PRLR: variants seen among roughly 807,000 people sequenced by gnomAD.
PRLR encodes the protein hPRL receptor.
In PRLR, 13 loss-of-function variants were observed where a neutral mutation model predicts 40.2. The observed-to-expected ratio is 0.32, with a 90% confidence interval of 0.21 to 0.51. PRLR has a LOEUF of 0.51. PRLR is among the 20% of genes least tolerant of loss of function. The probability of loss-of-function intolerance (pLI) is 0.97; values close to 1 mark genes in which losing one functional copy is unlikely to be tolerated. For missense variants in PRLR, 656 were observed against 747.3 expected, an observed-to-expected ratio of 0.88 and a Z score of 1.42; for synonymous variants, 269 against 278.7, an observed-to-expected ratio of 0.97 and a Z score of 0.35.
chr5:35,108,296 C>T (rs1405785249), intron 2 of PRLR, among the ~76,000 whole-genome samples: 3 of 152,134 alleles, frequency 2.0e-5, no homozygotes, highest in African/African-American at 7.2e-5. Context: ...TGGAAGCATT[C>T]CCTTTGAAAA....
intron 1 of PRLR, among the ~76,000 whole-genome samples, chr5:35,161,754 C>T (rs765409774): frequency 5.7e-4 from 86 of 152,136 alleles, no homozygotes; most frequent in Non-Finnish European, 6.6e-4. Flanking sequence ...ATAAATGCCC[C>T]GACTGTCTTT....
intron 1 of PRLR, among the ~76,000 whole-genome samples, chr5:35,135,696 T>G (rs1481521820): frequency 6.6e-6 from 1 of 152,220 alleles, no homozygotes; most frequent in Non-Finnish European, 1.5e-5. Context: ...AGCCAGAACC[T>G]AACCCTAGGG....
intron 2 of PRLR, among the ~76,000 whole-genome samples, chr5:35,102,483 C>CTCCTCTCCACT: frequency 6.7e-6 from 1 of 148,812 alleles, no homozygotes; most frequent in South Asian, 2.2e-4. Context: ...CCCGTCCCGT[C>CTCCTCTCCACT]CCGTCTCCTC....
intron 1 of PRLR, among the ~76,000 whole-genome samples, chr5:35,119,338 G>T (rs1419619607): frequency 6.6e-6 from 1 of 151,758 alleles, no homozygotes. Flanking sequence ...GGAAGCTGTG[G>T]TTGGCCACTA....
intron 2 of PRLR, among the ~76,000 whole-genome samples, chr5:35,106,426 G>A (rs564947024): frequency 5.9e-5 from 9 of 152,046 alleles, no homozygotes; most frequent in African/African-American, 1.2e-4. Context: ...AAAGACACAG[G>A]CTGGCAAATT....
In PRLR at chr5:35,110,611, T is replaced by A. The variant is rs1362667922; in HGVS notation, c.-44+7450A>T. On this transcript the variant is annotated intron_variant, in intron 2 of 9. Transcript: ENST00000618457. Reference sequence around the variant, plus strand: ...CCTGCAATCAGCATCAGCTTGCATATCTCACTCACCAAGAGCAGGCTCATT... The same window carrying A: ...CCTGCAATCAGCATCAGCTTGCATAACTCACTCACCAAGAGCAGGCTCATT... 3.3e-5 allele frequency among the ~76,000 whole-genome samples: 5 copies of A among 152,162 alleles called. No homozygotes were observed. The East Asian group carries it at 9.6e-4, about 29-fold the overall frequency.
chr5:35,215,918 G>C (rs942345065), intron 1 of PRLR, among the ~76,000 whole-genome samples: 1 of 148,784 alleles, frequency 6.7e-6, no homozygotes, highest in African/African-American at 2.5e-5. Context: ...ACGCACATCT[G>C]TTCCAGCTAC....
At chr5:35,174,880 CCTT>C (rs1775101011) in intron 1 of PRLR, among the ~76,000 whole-genome samples, 1 of 152,166 alleles carries the variant, frequency 6.6e-6, no homozygotes, top group South Asian at 2.1e-4. Context: ...TGGACCAACT[CCTT>C]CTGGCTCACA....
intron 1 of PRLR, among the ~76,000 whole-genome samples, chr5:35,147,486 A>G (rs1461338460): frequency 2.0e-5 from 3 of 152,192 alleles, no homozygotes; most frequent in African/African-American, 7.2e-5. Flanking sequence ...GGAGTTGATA[A>G]TCAGACAATT....
intron 1 of PRLR, among the ~76,000 whole-genome samples, chr5:35,214,817 T>C (rs1416706255): frequency 3.9e-5 from 6 of 152,216 alleles, no homozygotes; most frequent in African/African-American, 1.4e-4. Flanking sequence ...TCAGAACTAA[T>C]GACCATCTCT....
rs758900578 is a variant in PRLR, at chr5:35,068,229, G to C, written c.842C>G (p.Ala281Gly). ...VPGPKIKGFD[A>G]HLLEKGKSEE... is the part of the protein sequence containing the mutation. ...TCCTGTACTTACCTCCAACAGATGAGCATCAAATCCTTTTATTTTTGGCCC... is the reference window on the plus strand; with the variant it reads ...TCCTGTACTTACCTCCAACAGATGACCATCAAATCCTTTTATTTTTGGCCC... Residue 281 changes from alanine to glycine, a missense_variant, in exon 9 of 10, where the codon GCT (alanine) becomes GGT (glycine). Physicochemically the swap from Ala to Gly is moderately conservative, Grantham distance 60. Coordinates refer to ENST00000618457, the MANE Select transcript of PRLR (RefSeq NM_000949.7). 2 of 1,612,476 alleles carry C rather than the reference G, an allele frequency of 1.2e-6. No homozygotes were observed. The highest frequency in any genetic ancestry group is 2.2e-5 in the East Asian group (1 of 44,860).
In PRLR at chr5:35,065,653, A is replaced by G. The variant is rs939179210; in HGVS notation, c.1305T>C (p.Asp435=). ...CAGGGCCCACAGCCAGCTCACACAC[A>G]TCAGTAATATTGTGGTAAGAGGATC... ...NPRSSYHNIT[D]VCELAVGPAG... is the part of the protein sequence containing the mutation. Residue 435 remains aspartate (D), a synonymous_variant, in exon 10 of 10, where the codon GAT becomes GAC. Coordinates refer to ENST00000618457, the MANE Select transcript of PRLR (RefSeq NM_000949.7). 24 of 1,614,020 alleles carry G rather than the reference A, an allele frequency of 1.5e-5. No individual in the cohort carries two copies. Among genetic ancestry groups the G allele is most frequent in the Non-Finnish European group, 2.0e-5 (24 of 1,180,030 alleles).
intron 8 of PRLR, among the ~76,000 whole-genome samples, chr5:35,049,903 C>CTT (rs57649490): frequency 0.011 from 1,401 of 123,442 alleles, 39 homozygotes; most frequent in African/African-American, 0.038. Context: ...AAACTACATT[C>CTT]TTTTTTTTTT....
At chr5:35,092,797 A>G (rs1431736971) in intron 2 of PRLR, among the ~76,000 whole-genome samples, 6 of 152,170 alleles carry the variant, frequency 3.9e-5, no homozygotes, top group Non-Finnish European at 8.8e-5. Flanking sequence ...GTTTTGACTG[A>G]GGGTTAAAAA....
chr5:35,124,804 G>T (rs902925752), intron 1 of PRLR, among the ~76,000 whole-genome samples: 1 of 152,054 alleles, frequency 6.6e-6, no homozygotes, highest in Non-Finnish European at 1.5e-5. Context: ...AGATTAACAG[G>T]GTTACCTTTG....
chr5:35,068,382 G>A (rs1769513527), intron 8 of PRLR, 97 bp from the exon 9 acceptor site: 1 of 1,059,896 alleles, frequency 9.4e-7, no homozygotes, highest in African/African-American at 1.6e-5. Flanking sequence ...CTGTGATAGA[G>A]ATAGGACTTG....
intron 1 of PRLR, among the ~76,000 whole-genome samples, chr5:35,159,262 C>T (rs1191526725): frequency 1.3e-5 from 2 of 150,626 alleles, no homozygotes; most frequent in African/African-American, 4.9e-5. Context: ...CTTCTTTTGG[C>T]CTCCAGAGAA....
chr5:35,186,800 A>G (rs1775447577), intron 1 of PRLR, among the ~76,000 whole-genome samples: 1 of 152,158 alleles, frequency 6.6e-6, no homozygotes, highest in African/African-American at 2.4e-5. Context: ...TATTTGATTC[A>G]CTGAAAAGTA....
chr5:35,071,669 C>T (rs996375984), intron 6 of PRLR, among the ~76,000 whole-genome samples: 18 of 152,132 alleles, frequency 1.2e-4, no homozygotes, highest in Non-Finnish European at 2.4e-4. Context: ...ATGACCTCAG[C>T]CCACTGAAAT....
Sources: gnomAD v4.1 joint callset for allele counts (sites outside exome capture counted in the v4.1 genomes callset) on GRCh38, gnomAD v4.1.1 for gene constraint, MANE v1.5 for transcripts, NCBI Gene and HGNC (gene_info 2026-07-23, HGNC 2026-07-21) for gene names.